Variants in LIMS1 observed in about 807,000 individuals in gnomAD.
LIMS1 encodes the protein LIM and senescent cell antigen-like-containing domain protein 1.
Under a neutral mutation model 44.1 loss-of-function variants are expected in LIMS1, and 18 were observed. The ratio of observed to expected loss-of-function variants is 0.41; its 90% CI spans 0.28 to 0.61. The LOEUF is 0.61. LIMS1 is among the 20% of genes least tolerant of loss of function. The pLI is 0.32. For missense variants in LIMS1, 201 were observed against 422.0 expected (o/e 0.48, Z 4.59); for synonymous variants, 93 against 149.1 (o/e 0.62, Z 2.74).
chr2:108,667,494 A>G (rs1573597655), intron 2 of LIMS1, among the ~76,000 whole-genome samples: 2 of 147,988 alleles, frequency 1.4e-5, no homozygotes. Context: ...AGTTAATCCT[A>G]ATTTTATTTT....
intron 1 of LIMS1, chr2:108,621,209 C>A: frequency 7.1e-7 from 1 of 1,407,134 alleles, no homozygotes; most frequent in Non-Finnish European, 9.4e-7. Context: ...GGAAGCTGTG[C>A]TTCAGCAGCT....
intron 1 of LIMS1, among the ~76,000 whole-genome samples, chr2:108,583,940 C>T (rs574548345): frequency 9.9e-5 from 15 of 152,030 alleles, no homozygotes; most frequent in African/African-American, 2.9e-4. Flanking sequence ...GTGATCTGAC[C>T]GCCTCGGCCT....
At chr2:108,636,022 A>G (rs1463326131) in intron 1 of LIMS1, among the ~76,000 whole-genome samples, 1 of 152,240 alleles carries the variant, frequency 6.6e-6, no homozygotes, top group East Asian at 1.9e-4. Context: ...ATATAAAGAT[A>G]GAATTACTAA....
At chr2:108,644,007 A>G (rs982480555) in intron 1 of LIMS1, among the ~76,000 whole-genome samples, 1 of 152,208 alleles carries the variant, frequency 6.6e-6, no homozygotes, top group African/African-American at 2.4e-5. Context: ...AAAAAAAGGC[A>G]GCAACCCCAG....
At chr2:108,534,489 G>A (rs1684045273) in exon 1 of LIMS1, 1 of 1,122,064 alleles carries the variant, frequency 8.9e-7, no homozygotes. Flanking sequence ...CCGCGGCGGC[G>A]AGGGACTAGG....
chr2:108,612,039 C>CATATACATAT (rs879509502), intron 1 of LIMS1, among the ~76,000 whole-genome samples: 1 of 125,478 alleles, frequency 8.0e-6, no homozygotes. Context: ...TACACACACA[C>CATATACATAT]ACACACACAC....
chr2:108,650,330 A>T (rs866785434), intron 1 of LIMS1, among the ~76,000 whole-genome samples: 6 of 151,616 alleles, frequency 4.0e-5, no homozygotes, highest in Non-Finnish European at 8.8e-5. Flanking sequence ...TTTTAGCTTT[A>T]CTCTGTTGTA....
At chr2:108,555,368 AC>A (rs1321684582) in intron 1 of LIMS1, among the ~76,000 whole-genome samples, 1 of 151,984 alleles carries the variant, frequency 6.6e-6, no homozygotes, top group African/African-American at 2.4e-5. Context: ...GACAGAAGGA[AC>A]CTGCATTTTT....
chr2:108,635,574 G>A (rs1048555992), intron 1 of LIMS1, among the ~76,000 whole-genome samples: 12 of 151,992 alleles, frequency 7.9e-5, no homozygotes, highest in Admixed American at 7.9e-4. Context: ...GGTGGTGGGT[G>A]CCTGTAATCC....
At chr2:108,603,285 CTT>C (rs1687107390) in intron 1 of LIMS1, among the ~76,000 whole-genome samples, 2 of 152,026 alleles carry the variant, frequency 1.3e-5, no homozygotes, top group African/African-American at 4.8e-5. Context: ...TACTGGGAGA[CTT>C]TTTATTATGG....
chr2:108,546,529 C>T (rs1684487884), intron 1 of LIMS1, among the ~76,000 whole-genome samples: 1 of 151,974 alleles, frequency 6.6e-6, no homozygotes, highest in Non-Finnish European at 1.5e-5. Context: ...CTTGGAAGTC[C>T]ACTGGAATGG....
intron 1 of LIMS1, among the ~76,000 whole-genome samples, chr2:108,641,905 A>C (rs946691434): frequency 1.3e-5 from 2 of 152,184 alleles, no homozygotes; most frequent in African/African-American, 4.8e-5. Flanking sequence ...TCCCAGTTTC[A>C]TTATCTTTAC....
chr2:108,643,042 C>T (rs547535111), intron 1 of LIMS1, among the ~76,000 whole-genome samples: 2 of 152,188 alleles, frequency 1.3e-5, no homozygotes, highest in African/African-American at 4.8e-5. Flanking sequence ...CAGAAAATGA[C>T]AAATTCATCA....
intron 1 of LIMS1, among the ~76,000 whole-genome samples, chr2:108,643,042 C>A (rs547535111): frequency 4.6e-5 from 7 of 152,188 alleles, no homozygotes; most frequent in Non-Finnish European, 1.0e-4. Context: ...CAGAAAATGA[C>A]AAATTCATCA....
intron 1 of LIMS1, among the ~76,000 whole-genome samples, chr2:108,577,171 G>T (rs1685702425): frequency 6.6e-6 from 1 of 152,188 alleles, no homozygotes; most frequent in Admixed American, 6.5e-5. Flanking sequence ...TCTTATTGCT[G>T]TTGCCTGAGA....
intron 1 of LIMS1, among the ~76,000 whole-genome samples, chr2:108,584,374 C>T (rs1686013284): frequency 6.6e-6 from 1 of 152,128 alleles, no homozygotes. Flanking sequence ...TCCCCCTAGA[C>T]TTTTCCTTGG....
intron 1 of LIMS1, among the ~76,000 whole-genome samples, chr2:108,601,118 G>C (rs567173341): frequency 1.8e-4 from 27 of 152,208 alleles, no homozygotes; most frequent in African/African-American, 5.8e-4. Context: ...GATGCCTGAG[G>C]GGGGAAGAAA....
intron 1 of LIMS1, among the ~76,000 whole-genome samples, chr2:108,624,233 C>G (rs1688430969): frequency 6.6e-6 from 1 of 152,190 alleles, no homozygotes; most frequent in South Asian, 2.1e-4. Flanking sequence ...AAGATATACC[C>G]ATGTACCTAC....
chr2:108,552,571 A>T (rs1376630047), intron 1 of LIMS1, among the ~76,000 whole-genome samples: 2 of 117,194 alleles, frequency 1.7e-5, no homozygotes, highest in Non-Finnish European at 3.4e-5. Context: ...TGGGGTGTAT[A>T]TATATATATT....
Sources: gnomAD v4.1 joint callset for allele counts (sites outside exome capture counted in the v4.1 genomes callset) on GRCh38, gnomAD v4.1.1 for gene constraint, MANE v1.5 for transcripts, NCBI Gene and HGNC (gene_info 2026-07-23, HGNC 2026-07-21) for gene names.